The following SYT12 variants were observed in gnomAD, a reference collection of about 807,000 sequenced individuals.
SYT12 encodes synaptotagmin 12.
A neutral mutation model predicts 39.5 loss-of-function variants in SYT12; 27 were observed. The ratio of observed to expected loss-of-function variants is 0.68; its 90% confidence interval spans 0.50 to 0.94. The LOEUF (loss-of-function observed/expected upper bound fraction) is 0.94. Ranked by LOEUF, SYT12 falls within the 40% of genes least tolerant of loss-of-function variation. The probability of loss-of-function intolerance (pLI) is 0.00; values close to 1 mark genes in which losing one functional copy is unlikely to be tolerated. For missense variants in SYT12, 536 were observed against 572.6 expected, an observed-to-expected ratio of 0.94 and a Z score of 0.65; for synonymous variants, 233 against 239.7, an observed-to-expected ratio of 0.97 and a Z score of 0.26.
rs558115270 is a variant in SYT12, at chr11:67,026,295, G to A, written c.-24+2835G>A. On this transcript the variant is annotated intron_variant, in intron 1 of 7. Coordinates refer to ENST00000527043, the MANE Select transcript of SYT12 (RefSeq NM_177963.4). ...TCTTTTCTTTCTTTTTTTTTGAGAT[G>A]GAGTTTTGCTCTTGTTGCCCAGGCT... Among the ~76,000 whole-genome samples the A allele has an allele frequency of 2.6e-5, 4 of 151,516 alleles. No homozygotes were observed. The South Asian group carries it at 8.3e-4, about 32-fold the overall frequency.
chr11:67,037,053 A>C (rs1383760207), intron 3 of SYT12, among the ~76,000 whole-genome samples: 1 of 152,208 alleles, frequency 6.6e-6, no homozygotes, highest in Non-Finnish European at 1.5e-5. Context: ...AAGCCTGGGC[A>C]ACAAGAGCAA....
rs562520980 is a variant in SYT12, at chr11:67,045,997, C to T, written c.1092+120C>T. The T allele has an allele frequency of 3.0e-5, 41 of 1,353,692 alleles. No individual in the cohort carries two copies. In the Admixed American group the frequency reaches 8.8e-4, roughly 29 times the overall value. The allele number at this position is 1,353,692 out of a possible 1,614,324, so 83.9% of individuals were successfully genotyped here. A position where few individuals can be genotyped will look rare whatever the true frequency, so the allele number is the denominator to read the frequency against. ...GGTAGTGGTTTGCCTCCAGCCATCA[C>T]TTTCTAGCAGTTATTGAGTGCCACT... On this transcript the variant is annotated intron_variant, in intron 7 of 7. Transcript: ENST00000527043.
chr11:67,016,697 T>C (rs1950062056), intron 3 of SYT12, among the ~76,000 whole-genome samples: 3 of 152,218 alleles, frequency 2.0e-5, no homozygotes, highest in Admixed American at 6.5e-5. Context: ...AAGACCCAGC[T>C]CTGGAACTGT....
At chr11:67,019,550 A>G (rs1267014852), upstream of SYT12, among the ~76,000 whole-genome samples, 2 of 152,080 alleles carry the variant, frequency 1.3e-5, no homozygotes, top group African/African-American at 4.8e-5. Flanking sequence ...CCACGATTCA[A>G]TTATCTCCCA....
At chr11:67,010,723 AGGG>A (rs1950007431) in intron 2 of SYT12, 1 of 152,248 alleles carries the variant, frequency 6.6e-6, no homozygotes, top group Non-Finnish European at 1.5e-5. Flanking sequence ...GAGCCTGGGG[AGGG>A]GTCAGGAGAT....
At chr11:67,019,646 C>T (rs975390493), upstream of SYT12, among the ~76,000 whole-genome samples, 1 of 152,000 alleles carries the variant, frequency 6.6e-6, no homozygotes, top group Non-Finnish European at 1.5e-5. Context: ...ACCATATCAC[C>T]AACACTTTGG....
In SYT12 at chr11:67,043,669, A is replaced by G. The variant is rs1205197711; in HGVS notation, c.653A>G (p.Asp218Gly). 1 of 1,614,060 alleles carries G rather than the reference A, an allele frequency of 6.2e-7. No individual in the cohort carries two copies. The highest frequency in any genetic ancestry group is 1.7e-5 in the Admixed American group (1 of 60,022). ...AGAAATGCCTACTCCATCTTCTTTGATGAGAAGTTCTCCATCCCCCTGGAT... is the reference window on the plus strand; with the variant it reads ...AGAAATGCCTACTCCATCTTCTTTGGTGAGAAGTTCTCCATCCCCCTGGAT... ...IQRNAYSIFF[D>G]EKFSIPLDPT... Residue 218 changes from aspartate to glycine, a missense_variant, in exon 5 of 8, where the codon GAT (aspartate) becomes GGT (glycine). By Grantham distance (94) the Asp-to-Gly change is moderately conservative. Transcript: ENST00000527043.
intron 3 of SYT12, among the ~76,000 whole-genome samples, chr11:67,036,248 A>G (rs946168855): frequency 4.6e-5 from 7 of 152,120 alleles, no homozygotes; most frequent in African/African-American, 1.7e-4. Flanking sequence ...TAGCTGAAGC[A>G]TTTTGATATA....
intron 3 of SYT12, among the ~76,000 whole-genome samples, chr11:67,036,256 A>G (rs1950379142): frequency 1.3e-5 from 2 of 152,124 alleles, no homozygotes; most frequent in African/African-American, 4.8e-5. Context: ...GCATTTTGAT[A>G]TACTGTTGAA....
intron 3 of SYT12, among the ~76,000 whole-genome samples, chr11:67,011,547 T>C (rs1950013569): frequency 6.6e-6 from 1 of 151,928 alleles, no homozygotes; most frequent in Non-Finnish European, 1.5e-5. Flanking sequence ...CGGCCTGATT[T>C]TCTTTTCTTA....
chr11:67,031,888 A>G (rs1950273906), intron 2 of SYT12: 1 of 152,036 alleles, frequency 6.6e-6, no homozygotes. Flanking sequence ...CCCGGCTACT[A>G]CCCAGCCCTG....
chr11:67,050,324 T>A lies in SYT12; in HGVS notation c.*1567T>A, dbSNP rs1683574345. On this transcript the variant is annotated 3_prime_UTR_variant, in exon 8 of 8. Transcript: ENST00000527043. ...CTCACCCAGGCCAGCAGGTGGGGTA[T>A]CATCTGCTCGGTGGGGCCACCCACA... 1 of 152,408 alleles carries A rather than the reference T, an allele frequency of 6.6e-6. No homozygotes were observed. The highest frequency in any genetic ancestry group is 6.5e-5 in the Admixed American group (1 of 15,288). The allele number at this position is 152,408 out of a possible 1,614,324, so 9.4% of individuals were successfully genotyped here. A position where few individuals can be genotyped will look rare whatever the true frequency, so the allele number is the denominator to read the frequency against.
chr11:67,034,756 C>G lies in SYT12; in HGVS notation c.146C>G (p.Pro49Arg), dbSNP rs1388317174. Residue 49 changes from proline to arginine, a missense_variant, in exon 3 of 8, where the codon CCC becomes CGC. Coordinates refer to ENST00000527043, the MANE Select transcript of SYT12 (RefSeq NM_177963.4). ...LWKLWTSGSF[P>R]SPSPFPNYDY... is the part of the protein sequence containing the mutation. ...AAGCTCTGGACGTCGGGGAGCTTCCCCAGCCCCTCTCCGTTCCCCAATTAC... is the reference window on the plus strand; with the variant it reads ...AAGCTCTGGACGTCGGGGAGCTTCCGCAGCCCCTCTCCGTTCCCCAATTAC... The G allele has an allele frequency of 1.2e-6, 2 of 1,603,490 alleles. No homozygotes were observed. Among genetic ancestry groups the G allele is most frequent in the Non-Finnish European group, 1.7e-6 (2 of 1,176,134 alleles).
intron 4 of SYT12, among the ~76,000 whole-genome samples, chr11:67,042,743 G>C (rs1312555610): frequency 6.6e-6 from 1 of 152,194 alleles, no homozygotes; most frequent in African/African-American, 2.4e-5. Context: ...GAGGTCAGGA[G>C]GCCAGGTGGG....
intron 3 of SYT12, among the ~76,000 whole-genome samples, chr11:67,015,032 T>A (rs1950045748): frequency 6.6e-6 from 1 of 152,340 alleles, no homozygotes; most frequent in African/African-American, 2.4e-5. Context: ...TGCCAAACTT[T>A]CTAGATGCAA....
chr11:67,023,126 G>T (rs1950130947), upstream of SYT12, among the ~76,000 whole-genome samples: 2 of 152,308 alleles, frequency 1.3e-5, no homozygotes, highest in Non-Finnish European at 2.9e-5. Flanking sequence ...TCCCGGACGC[G>T]CTTGGGGATC....
At chr11:67,037,888 A>G (rs1456743358) in intron 3 of SYT12, among the ~76,000 whole-genome samples, 28 of 150,698 alleles carry the variant, frequency 1.9e-4, no homozygotes, top group Admixed American at 7.3e-4. Flanking sequence ...CCTCAGAAAA[A>G]AAAAAAAAGA....
chr11:67,043,886 G>A (rs1188087260), intron 5 of SYT12, 33 bp downstream of exon 5: 3 of 1,599,784 alleles, frequency 1.9e-6, no homozygotes, highest in Non-Finnish European at 2.6e-6. Flanking sequence ...CACCTCGGAA[G>A]AGCGTGCACA....
intron 6 of SYT12, chr11:67,045,534 C>T: frequency 2.9e-6 from 2 of 686,288 alleles, no homozygotes; most frequent in South Asian, 3.9e-5. Flanking sequence ...TGCCTGAGCA[C>T]AAAGCCCAGC....
Sources: gnomAD v4.1 joint callset for allele counts (sites outside exome capture counted in the v4.1 genomes callset) on GRCh38, gnomAD v4.1.1 for gene constraint, MANE v1.5 for transcripts, NCBI Gene and HGNC (gene_info 2026-07-23, HGNC 2026-07-21) for gene names.